The following RNF13 variants were observed in gnomAD, a reference collection of about 807,000 sequenced individuals.
RNF13 encodes the protein ring finger protein 13, also known as E3 ubiquitin-protein ligase RNF13.
A neutral mutation model predicts 37.7 loss-of-function variants in RNF13; 19 were observed. The observed-to-expected ratio is 0.50, with a 90% CI of 0.35 to 0.74. The LOEUF is 0.74. Among genes scored for constraint, RNF13 ranks in the 30% least tolerant of loss-of-function variants. RNF13 has a pLI of 0.01. For missense variants in RNF13, 375 were observed against 453.0 expected (o/e 0.83, Z 1.56); for synonymous variants, 144 against 157.8 (o/e 0.91, Z 0.65).
At chr3:149,916,898 T>C (rs1717572771) in intron 7 of RNF13, among the ~76,000 whole-genome samples, 1 of 152,210 alleles carries the variant, frequency 6.6e-6, no homozygotes, top group Non-Finnish European at 1.5e-5. Flanking sequence ...TTCTTTCTAG[T>C]ATATGCATTT....
intron 4 of RNF13, among the ~76,000 whole-genome samples, chr3:149,878,906 C>G (rs1171387117): frequency 6.6e-6 from 1 of 152,104 alleles, no homozygotes; most frequent in East Asian, 1.9e-4. Flanking sequence ...AAAATCAGTT[C>G]TCCAGAGAAC....
chr3:149,912,915 G>T (rs1017878970), intron 7 of RNF13, among the ~76,000 whole-genome samples: 1 of 151,990 alleles, frequency 6.6e-6, no homozygotes, highest in African/African-American at 2.4e-5. Flanking sequence ...TACATGATGT[G>T]CAATATCAAA....
At chr3:149,814,852 A>T (rs1279996992) in intron 1 of RNF13, among the ~76,000 whole-genome samples, 2 of 151,448 alleles carry the variant, frequency 1.3e-5, no homozygotes, top group African/African-American at 2.4e-5. Context: ...CTATTACATA[A>T]TTTTTTTTTG....
At chr3:149,892,260 C>A (rs1714788868) in intron 4 of RNF13, among the ~76,000 whole-genome samples, 2 of 152,060 alleles carry the variant, frequency 1.3e-5, no homozygotes, top group Admixed American at 6.5e-5. Context: ...GAAACAAGTG[C>A]ATTTTGGATG....
At chr3:149,957,574 C>T (rs950766875) in intron 8 of RNF13, among the ~76,000 whole-genome samples, 2 of 152,166 alleles carry the variant, frequency 1.3e-5, no homozygotes, top group Non-Finnish European at 2.9e-5. Flanking sequence ...TGCAGCTGAT[C>T]ATCTGTTGGG....
chr3:149,816,005 A>C (rs1003201992), intron 1 of RNF13, among the ~76,000 whole-genome samples: 2 of 151,720 alleles, frequency 1.3e-5, no homozygotes, highest in African/African-American at 4.8e-5. Context: ...GGATCCTCCT[A>C]TCTTAGCCCG....
At chr3:149,904,917 G>A (rs1362071086) in intron 6 of RNF13, among the ~76,000 whole-genome samples, 7 of 152,124 alleles carry the variant, frequency 4.6e-5, no homozygotes, top group Non-Finnish European at 7.4e-5. Flanking sequence ...TTATCCTTGA[G>A]TAGATAGAGA....
chr3:149,838,348 G>C (rs1410115168), intron 1 of RNF13, among the ~76,000 whole-genome samples: 1 of 152,196 alleles, frequency 6.6e-6, no homozygotes, highest in African/African-American at 2.4e-5. Flanking sequence ...ACTCTGTGTG[G>C]GGGCTCCAAC....
chr3:149,877,916 A>G (rs1712933002), intron 4 of RNF13, among the ~76,000 whole-genome samples: 1 of 152,106 alleles, frequency 6.6e-6, no homozygotes, highest in Non-Finnish European at 1.5e-5. Context: ...CCACCCTTTA[A>G]TTGGTAAATA....
chr3:149,865,649 A>G (rs1724736318), intron 3 of RNF13, among the ~76,000 whole-genome samples: 1 of 151,854 alleles, frequency 6.6e-6, no homozygotes, highest in African/African-American at 2.4e-5. Context: ...TATTTTTTGT[A>G]TTTTTGTAAT....
At chr3:149,951,796 G>A (rs969186133) in intron 8 of RNF13, among the ~76,000 whole-genome samples, 3 of 152,140 alleles carry the variant, frequency 2.0e-5, no homozygotes, top group Non-Finnish European at 4.4e-5. Context: ...AGCCTAATTA[G>A]GAAAAACTGT....
chr3:149,921,206 C>A lies in RNF13; in HGVS notation c.679C>A (p.Pro227Thr). ...RLRKDQLKKL[P>T]VHKFKKGDEY... ...TCGTAAAGATCAACTTAAGAAACTT[C>A]CTGTACATAAATTCAAGAAAGGTAA... Residue 227 changes from proline (P) to threonine (T), a missense_variant, in exon 8 of 10, where the codon CCT (proline) becomes ACT (threonine). By Grantham distance (38) the Pro-to-Thr change is conservative. Transcript: ENST00000392894. The A allele has an allele frequency of 7.1e-7, 1 of 1,409,462 alleles. No homozygotes were observed. Among genetic ancestry groups the A allele is most frequent in the Non-Finnish European group, 9.5e-7 (1 of 1,058,084 alleles). 87.3% of individuals were successfully genotyped at this position (1,409,462 alleles called of 1,614,324 possible). A position where few individuals can be genotyped will look rare whatever the true frequency, so the allele number is the denominator to read the frequency against.
At chr3:149,924,619 T>C (rs1246565285) in intron 8 of RNF13, among the ~76,000 whole-genome samples, 1 of 152,218 alleles carries the variant, frequency 6.6e-6, no homozygotes, top group Non-Finnish European at 1.5e-5. Context: ...TATTGACCAC[T>C]AGAGACTATT....
intron 8 of RNF13, among the ~76,000 whole-genome samples, chr3:149,952,331 T>C (rs975161078): frequency 2.0e-5 from 3 of 152,064 alleles, no homozygotes; most frequent in African/African-American, 4.8e-5. Context: ...AATATTAGAC[T>C]AATCTAATCA....
At chr3:149,939,280 CA>C in intron 8 of RNF13, 2 of 471,762 alleles carry the variant, frequency 4.2e-6, no homozygotes, top group African/African-American at 2.1e-5. Flanking sequence ...TCCTCATCAT[CA>C]AAATCATCAT....
At chr3:149,833,175 A>G (rs1439956546) in intron 1 of RNF13, among the ~76,000 whole-genome samples, 1 of 133,856 alleles carries the variant, frequency 7.5e-6, no homozygotes, top group African/African-American at 2.9e-5. Flanking sequence ...GCTGGAGTGC[A>G]ATGGTGTGAT....
chr3:149,868,669 C>T (rs1340280755), intron 3 of RNF13, among the ~76,000 whole-genome samples: 1 of 150,700 alleles, frequency 6.6e-6, no homozygotes, highest in Non-Finnish European at 1.5e-5. Flanking sequence ...CTTGTTATTC[C>T]ACTCCCTCCT....
chr3:149,920,872 T>C (rs1001758684), intron 7 of RNF13, among the ~76,000 whole-genome samples: 5 of 151,476 alleles, frequency 3.3e-5, no homozygotes, highest in Non-Finnish European at 5.9e-5. Context: ...CAAACAGTTA[T>C]ATGATTTTTA....
intron 4 of RNF13, among the ~76,000 whole-genome samples, chr3:149,894,226 A>G (rs1715009089): frequency 6.6e-6 from 1 of 152,128 alleles, no homozygotes; most frequent in South Asian, 2.1e-4. Flanking sequence ...TCAGAAATCT[A>G]ACTTGAATTG....
Sources: allele counts gnomAD v4.1 joint callset (sites outside exome capture counted in the v4.1 genomes callset), GRCh38; gene constraint gnomAD v4.1.1; transcripts MANE v1.5; gene names NCBI Gene and HGNC (gene_info 2026-07-23, HGNC 2026-07-21).